Variants in CARMIL1 observed in about 807,000 individuals in gnomAD.
The protein encoded by CARMIL1 is F-actin-uncapping protein LRRC16A.
A neutral mutation model predicts 177.1 loss-of-function variants in CARMIL1; 90 were observed. The observed-to-expected ratio is 0.51, with a 90% confidence interval of 0.43 to 0.61. The LOEUF (loss-of-function observed/expected upper bound fraction) is 0.61, where lower values mean the gene tolerates loss of function less well. Among genes scored for constraint, CARMIL1 ranks in the 20% least tolerant of loss-of-function variants. CARMIL1 has a pLI of 0.00. For missense variants in CARMIL1, 1,380 were observed against 1,667.0 expected, an observed-to-expected ratio of 0.83 and a Z score of 3.00; for synonymous variants, 577 against 606.2, an observed-to-expected ratio of 0.95 and a Z score of 0.71.
At chr6:25,432,330 C>T (rs2150750541) in intron 4 of CARMIL1, among the ~76,000 whole-genome samples, 1 of 152,152 alleles carries the variant, frequency 6.6e-6, no homozygotes, top group Admixed American at 6.5e-5. Context: ...TTTTTTTCTC[C>T]TTGCTGTTCT....
intron 2 of CARMIL1, among the ~76,000 whole-genome samples, chr6:25,299,978 CA>C (rs201932888): frequency 0.17 from 16,790 of 96,324 alleles, 1,043 homozygotes; most frequent in African/African-American, 0.24. Flanking sequence ...GACTCCACCT[CA>C]AAAAAAAAAA....
At chr6:25,383,065 G>A (rs1791741392) in intron 2 of CARMIL1, among the ~76,000 whole-genome samples, 1 of 152,224 alleles carries the variant, frequency 6.6e-6, no homozygotes, top group African/African-American at 2.4e-5. Context: ...TGAGGAGTGG[G>A]TTGGGTTGAG....
chr6:25,553,024 T>A (rs1465959798), intron 27 of CARMIL1, among the ~76,000 whole-genome samples: 6 of 152,310 alleles, frequency 3.9e-5, no homozygotes, highest in African/African-American at 1.4e-4. Context: ...TGTATTTTTT[T>A]ATCTTTAGCT....
At chr6:25,545,804 G>C (rs910900700) in intron 26 of CARMIL1, among the ~76,000 whole-genome samples, 2 of 152,048 alleles carry the variant, frequency 1.3e-5, no homozygotes, top group East Asian at 3.8e-4. Flanking sequence ...CTAACTCATG[G>C]GTCAAAGAGG....
rs182957727 is a variant in CARMIL1, at chr6:25,514,485, T to G, written c.1633-1190T>G. On this transcript the variant is annotated intron_variant, in intron 20 of 36. Transcript: ENST00000329474. ...TCACTTGAATCTGGGAGGCGGAGGT[T>G]GCAGTAAGCTGAGATTATGCCACTG... 2.8e-5 allele frequency among the ~76,000 whole-genome samples: 4 copies of G among 143,756 alleles called. No homozygotes were observed. In the East Asian group the frequency reaches 8.0e-4, roughly 29 times the overall value. 94.3% of individuals were successfully genotyped at this position (143,756 alleles called of 152,430 possible).
At chr6:25,301,003 A>G (rs1782819570) in intron 2 of CARMIL1, among the ~76,000 whole-genome samples, 1 of 152,182 alleles carries the variant, frequency 6.6e-6, no homozygotes. Flanking sequence ...GCTTCCCTGC[A>G]AGAGCCTGCC....
chr6:25,459,699 T>C (rs1562168730), intron 8 of CARMIL1, among the ~76,000 whole-genome samples: 2 of 152,220 alleles, frequency 1.3e-5, no homozygotes, highest in Non-Finnish European at 2.9e-5. Context: ...AAGAAATGAT[T>C]GTGCCACGTG....
intron 34 of CARMIL1, among the ~76,000 whole-genome samples, chr6:25,605,769 A>T (rs1363655615): frequency 6.6e-6 from 1 of 152,240 alleles, no homozygotes; most frequent in Non-Finnish European, 1.5e-5. Flanking sequence ...TTTTCCTTGT[A>T]TGTGATTACG....
In CARMIL1 at chr6:25,604,803, A is replaced by AT; in HGVS notation, c.3553-3dup. On this transcript the variant is annotated splice_polypyrimidine_tract_variant and intron_variant, in intron 33 of 36. Coordinates refer to ENST00000329474, the MANE Select transcript of CARMIL1 (RefSeq NM_017640.6). ...CACTTTTTGGGGGGATGGTGCTTGA[A>AT]TTTTTTAGAAGCTTGGGAATGATGC... 4.4e-6 allele frequency: 7 copies of AT among 1,578,698 alleles called. No individual in the cohort carries two copies. Among genetic ancestry groups the AT allele is most frequent in the Non-Finnish European group, 6.0e-6 (7 of 1,161,920 alleles).
At chr6:25,469,283 T>G (rs1800894587) in intron 9 of CARMIL1, among the ~76,000 whole-genome samples, 1 of 152,208 alleles carries the variant, frequency 6.6e-6, no homozygotes, top group Non-Finnish European at 1.5e-5. Context: ...TAGGTTTTCT[T>G]AAAAATACTT....
intron 31 of CARMIL1, among the ~76,000 whole-genome samples, chr6:25,593,199 G>A (rs972115918): frequency 1.3e-5 from 2 of 152,168 alleles, no homozygotes; most frequent in African/African-American, 4.8e-5. Flanking sequence ...GGCAGCTCTT[G>A]TCTTTCCATT....
chr6:25,611,308 T>G (rs895793295), intron 36 of CARMIL1, among the ~76,000 whole-genome samples: 1 of 152,210 alleles, frequency 6.6e-6, no homozygotes, highest in African/African-American at 2.4e-5. Flanking sequence ...AACTAAAGCT[T>G]TTGAAAAGTA....
At chr6:25,461,223 C>G (rs1225390637) in intron 8 of CARMIL1, among the ~76,000 whole-genome samples, 2 of 152,234 alleles carry the variant, frequency 1.3e-5, no homozygotes, top group Non-Finnish European at 2.9e-5. Flanking sequence ...ATACCTCCCA[C>G]TGATATTGCA....
intron 26 of CARMIL1, among the ~76,000 whole-genome samples, chr6:25,541,223 G>A (rs747142245): frequency 1.3e-5 from 2 of 152,118 alleles, no homozygotes; most frequent in Admixed American, 6.6e-5. Context: ...TGAAAATCCC[G>A]TGAGATCCCA....
chr6:25,581,600 T>G (rs750641329), intron 31 of CARMIL1, among the ~76,000 whole-genome samples, 161 bp downstream of exon 31: 4 of 152,202 alleles, frequency 2.6e-5, no homozygotes, highest in Non-Finnish European at 5.9e-5. Flanking sequence ...AACTTGGTGC[T>G]CAACAATTTT....
intron 4 of CARMIL1, among the ~76,000 whole-genome samples, chr6:25,427,024 C>T (rs1393443147): frequency 1.3e-5 from 2 of 152,256 alleles, no homozygotes; most frequent in East Asian, 3.9e-4. Context: ...ATGACTCTGT[C>T]TTCGCCCTCT....
chr6:25,356,050 CTTT>C (rs5875031), intron 2 of CARMIL1, among the ~76,000 whole-genome samples: 15 of 120,286 alleles, frequency 1.2e-4, no homozygotes, highest in Non-Finnish European at 1.6e-4. Flanking sequence ...TCTAAGACTT[CTTT>C]TTTTTTTTTT....
chr6:25,586,123 C>G (rs1171277418), intron 31 of CARMIL1, among the ~76,000 whole-genome samples: 2 of 150,166 alleles, frequency 1.3e-5, no homozygotes, highest in Non-Finnish European at 2.9e-5. Context: ...AACGGGACGG[C>G]TGGCCGGGCG....
intron 2 of CARMIL1, among the ~76,000 whole-genome samples, chr6:25,379,970 T>A (rs1317339679): frequency 6.7e-6 from 1 of 149,946 alleles, no homozygotes; most frequent in Non-Finnish European, 1.5e-5. Flanking sequence ...ACTTTTTTTC[T>A]TTCCTTTTCT....
Sources: gnomAD v4.1 joint callset for allele counts (sites outside exome capture counted in the v4.1 genomes callset) on GRCh38, gnomAD v4.1.1 for gene constraint, MANE v1.5 for transcripts, NCBI Gene and HGNC (gene_info 2026-07-23, HGNC 2026-07-21) for gene names.